The following FAT4 variants were observed in gnomAD, a reference collection of about 807,000 sequenced individuals.
FAT4 encodes protocadherin Fat 4.
In FAT4, 84 loss-of-function variants were observed where a neutral mutation model predicts 303.9. That is an observed-to-expected ratio of 0.28 (90% confidence interval 0.23 to 0.33). The LOEUF is 0.33. FAT4 is among the 10% of genes least tolerant of loss of function. The probability of loss-of-function intolerance (pLI) is 1.00; values close to 1 mark genes in which losing one functional copy is unlikely to be tolerated. For synonymous variants in FAT4, 2,307 were observed against 2,298.8 expected (o/e 1.00, Z -0.10); for missense variants, 6,005 against 6,146.8 (o/e 0.98, Z 0.77).
chr4:125,490,524 G>A lies in FAT4; in HGVS notation c.13708G>A (p.Asp4570Asn), dbSNP rs1560639809. Residue 4570 changes from aspartate (D) to asparagine (N), a missense_variant, in exon 18 of 18, where the codon GAC (aspartate) becomes AAC (asparagine). By Grantham distance (23) the Asp-to-Asn change is conservative. Coordinates refer to ENST00000394329, the MANE Select transcript of FAT4 (RefSeq NM_001291303.3). ...DPDNIPPYGD[D>N]MTVRKQPEGN... ...TGACAATATCCCTCCCTATGGGGATGACATGACTGTGAGGAAGCAGCCTGA... is the reference window on the plus strand; with the variant it reads ...TGACAATATCCCTCCCTATGGGGATAACATGACTGTGAGGAAGCAGCCTGA... 3 of 1,614,146 alleles carry A rather than the reference G, an allele frequency of 1.9e-6. No individual in the cohort carries two copies. The East Asian group carries it at 6.7e-5, about 36-fold the overall frequency.
Position 125,449,859 on chromosome 4 carries a change from G to C in FAT4, c.8849G>C (p.Arg2950Thr), listed in dbSNP as rs924710061. 1.2e-6 allele frequency: 2 copies of C among 1,613,706 alleles called. No individual in the cohort carries two copies. Among genetic ancestry groups the C allele is most frequent in the Non-Finnish European group, 1.7e-6 (2 of 1,179,872 alleles). The change falls in exon 10 of 18, where the codon AGG (arginine) becomes ACG (threonine). Residue 2950 changes from arginine to threonine, a missense_variant. Arg to Thr is a moderately conservative substitution (Grantham distance 71). Coordinates refer to ENST00000394329, the MANE Select transcript of FAT4 (RefSeq NM_001291303.3). ...VTGFSNVNIN[R>T]HSFIVTSSDR... ...GGCTTCAGTAATGTGAATATCAACAGGCATAGTTTTATAGTGACATCTTCA... is the reference window on the plus strand; with the variant it reads ...GGCTTCAGTAATGTGAATATCAACACGCATAGTTTTATAGTGACATCTTCA...
chr4:125,466,707 A>G (rs1333132474), intron 11 of FAT4, among the ~76,000 whole-genome samples: 1 of 150,786 alleles, frequency 6.6e-6, no homozygotes, highest in Non-Finnish European at 1.5e-5. Flanking sequence ...AATAAATATC[A>G]TTTCTATAAT....
In FAT4 at chr4:125,469,526, C is replaced by T. The variant is rs148039801; in HGVS notation, c.12213+707C>T. On this transcript the variant is annotated intron_variant, in intron 12 of 17. Coordinates refer to ENST00000394329, the MANE Select transcript of FAT4 (RefSeq NM_001291303.3). Reference sequence around the variant, plus strand: ...CCTTGATGCTAATTTATTAATTAAGCCTATGGAATATTCTAAATCCTCTGT... The same window carrying T: ...CCTTGATGCTAATTTATTAATTAAGTCTATGGAATATTCTAAATCCTCTGT... 3.3e-3 allele frequency among the ~76,000 whole-genome samples: 506 copies of T among 152,268 alleles called. 3 individuals are homozygous for T. The highest frequency in any genetic ancestry group is 0.012 in the African/African-American group (480 of 41,548).
At chr4:125,402,313 TCTG>T (rs1734418330) in intron 3 of FAT4, among the ~76,000 whole-genome samples, 1 of 151,920 alleles carries the variant, frequency 6.6e-6, no homozygotes, top group South Asian at 2.1e-4. Flanking sequence ...TTTTCATGGG[TCTG>T]AATTGAATGT....
chr4:125,389,694 T>C (rs1004083856), intron 2 of FAT4, among the ~76,000 whole-genome samples: 6 of 152,308 alleles, frequency 3.9e-5, no homozygotes, highest in African/African-American at 1.2e-4. Flanking sequence ...CCCATTTTTT[T>C]CACATTGCAA....
chr4:125,441,610 G>A (rs888718689), intron 8 of FAT4, among the ~76,000 whole-genome samples: 4 of 152,244 alleles, frequency 2.6e-5, no homozygotes, highest in Admixed American at 6.5e-5. Flanking sequence ...AGCAAAGCTG[G>A]AGTCAGTGAA....
intron 16 of FAT4, among the ~76,000 whole-genome samples, chr4:125,483,721 C>A (rs1455622032): frequency 6.6e-6 from 1 of 151,894 alleles, no homozygotes; most frequent in Non-Finnish European, 1.5e-5. Context: ...TGAAAAGAAG[C>A]TTTTCAAAGG....
At chr4:125,364,248 G>C (rs1234420227) in intron 2 of FAT4, among the ~76,000 whole-genome samples, 2 of 150,708 alleles carry the variant, frequency 1.3e-5, no homozygotes, top group African/African-American at 4.9e-5. Context: ...ACCTTTTCTT[G>C]GACTTTTTTC....
In FAT4 at chr4:125,422,057, C is replaced by T. The variant is rs186206724; in HGVS notation, c.7018+5435C>T. Among the ~76,000 whole-genome samples the T allele has an allele frequency of 3.1e-3, 467 of 151,416 alleles. 2 individuals carry two copies. Among genetic ancestry groups the T allele is most frequent in the African/African-American group, 0.011 (447 of 41,302 alleles). ...AACATTCAACTGCTATTTTTCTTTCCCCAAATAAATAAATGTTTGAAAACA... is the reference window on the plus strand; with the variant it reads ...AACATTCAACTGCTATTTTTCTTTCTCCAAATAAATAAATGTTTGAAAACA... On this transcript the variant is annotated intron_variant, in intron 7 of 17. Transcript: ENST00000394329.
chr4:125,464,951 A>G (rs1036640321), intron 11 of FAT4, among the ~76,000 whole-genome samples: 2 of 152,200 alleles, frequency 1.3e-5, no homozygotes, highest in Non-Finnish European at 2.9e-5. Context: ...TAAAAGACAT[A>G]CGCAGTTCCT....
chr4:125,315,283 C>T lies in FAT4; in HGVS notation c.-707C>T, dbSNP rs1033380981. ...AGCCCAGCGCCGACTTCGCCGCCTC[C>T]GCTGCCAACTGTGAAGGAGAGAGAG... is the stretch of plus-strand genomic sequence containing the variant. On this transcript the variant is annotated 5_prime_UTR_variant, in exon 1 of 18. Transcript: ENST00000394329. Among the ~76,000 whole-genome samples the T allele has an allele frequency of 6.6e-6, 1 of 152,100 alleles. No individual in the cohort carries two copies. The highest frequency in any genetic ancestry group is 2.4e-5 in the African/African-American group (1 of 41,434).
intron 9 of FAT4, 32 bp from the exon 10 acceptor site, chr4:125,448,429 G>A (rs376403230): frequency 9.1e-6 from 14 of 1,545,188 alleles, no homozygotes; most frequent in Non-Finnish European, 1.2e-5. Context: ...TAAATTCCAC[G>A]TGAGTATAAC....
At chr4:125,363,662 A>T (rs987852240) in intron 2 of FAT4, among the ~76,000 whole-genome samples, 2 of 151,762 alleles carry the variant, frequency 1.3e-5, no homozygotes, top group African/African-American at 2.4e-5. Flanking sequence ...CTCCTGGCTA[A>T]TTTTTTGTAT....
At chr4:125,380,977 A>T (rs1393265136) in intron 2 of FAT4, among the ~76,000 whole-genome samples, 2 of 152,148 alleles carry the variant, frequency 1.3e-5, no homozygotes, top group Non-Finnish European at 2.9e-5. Flanking sequence ...GATATCATGA[A>T]TTCATATTAG....
chr4:125,457,065 T>A (rs1329690442), intron 10 of FAT4, among the ~76,000 whole-genome samples: 2 of 152,004 alleles, frequency 1.3e-5, no homozygotes, highest in African/African-American at 4.8e-5. Context: ...CTGCACAATT[T>A]TCTGAACTTT....
rs762529197 is a variant in FAT4, at chr4:125,407,131, C to A, written c.5559C>A (p.Asp1853Glu). 6.2e-7 allele frequency: 1 copy of A among 1,610,654 alleles called. No homozygotes were observed. The highest frequency in any genetic ancestry group is 8.5e-7 in the Non-Finnish European group (1 of 1,177,142). The change falls in exon 4 of 18, where the codon GAC becomes GAA. Residue 1853 changes from aspartate to glutamate, a missense_variant. Physicochemically the swap from Asp to Glu is conservative, Grantham distance 45 (BLOSUM62 2). Transcript: ENST00000394329. ...TGTACTCTTTTGACATTCCTGAGGACACAATCCCTGGTAGGTGATGGGTCT... is the reference window on the plus strand; with the variant it reads ...TGTACTCTTTTGACATTCCTGAGGAAACAATCCCTGGTAGGTGATGGGTCT... ...RPVYSFDIPE[D>E]TIPGSLVAAI...
rs138412090 is a variant in FAT4 at position 125,370,622 on chromosome 4, A to G, written c.5176-28162A>G. ...TGAAAACCAAACCTCTAAATCACGT[A>G]TACAGACAATATTCGCAATATTGAT... On this transcript the variant is annotated intron_variant, in intron 2 of 17. Coordinates refer to ENST00000394329, the MANE Select transcript of FAT4 (RefSeq NM_001291303.3). 5.9e-3 allele frequency among the ~76,000 whole-genome samples: 904 copies of G among 152,352 alleles called. 2 individuals are homozygous for G. Among genetic ancestry groups the G allele is most frequent in the Middle Eastern group, 0.017 (5 of 294 alleles).
intron 3 of FAT4, among the ~76,000 whole-genome samples, chr4:125,404,260 C>A (rs1259588070): frequency 6.6e-6 from 1 of 151,958 alleles, no homozygotes; most frequent in Non-Finnish European, 1.5e-5. Context: ...TGGGCCCCAA[C>A]TGTATTCACA....
chr4:125,325,019 T>C (rs1731098879), intron 2 of FAT4, among the ~76,000 whole-genome samples: 1 of 152,100 alleles, frequency 6.6e-6, no homozygotes, highest in Non-Finnish European at 1.5e-5. Flanking sequence ...TCTTGGGCAA[T>C]ATATTGCAAT....
Sources: gnomAD v4.1 joint callset for allele counts (sites outside exome capture counted in the v4.1 genomes callset) on GRCh38, gnomAD v4.1.1 for gene constraint, MANE v1.5 for transcripts, NCBI Gene and HGNC (gene_info 2026-07-23, HGNC 2026-07-21) for gene names.